CACNG3: variants seen among roughly 807,000 people sequenced by gnomAD.
CACNG3 encodes the protein calcium voltage-gated channel auxiliary subunit gamma 3.
In CACNG3, 3 loss-of-function variants were observed where a neutral mutation model predicts 28.5. That is an observed-to-expected ratio of 0.11 (90% CI 0.05 to 0.27). The LOEUF (loss-of-function observed/expected upper bound fraction) is 0.27, where lower values mean the gene tolerates loss of function less well. Among genes scored for constraint, CACNG3 ranks in the 10% least tolerant of loss-of-function variants. The probability of loss-of-function intolerance (pLI) is 1.00; values close to 1 mark genes in which losing one functional copy is unlikely to be tolerated. For synonymous variants in CACNG3, 174 were observed against 162.2 expected (o/e 1.07, Z -0.55); for missense variants, 236 against 414.4 (o/e 0.57, Z 3.74).
At chr16:24,334,560 G>T (rs1048120714) in intron 1 of CACNG3, among the ~76,000 whole-genome samples, 2 of 152,182 alleles carry the variant, frequency 1.3e-5, no homozygotes, top group Admixed American at 6.5e-5. Context: ...CTGGAGGGGG[G>T]ACATCCTGGG....
intron 1 of CACNG3, among the ~76,000 whole-genome samples, chr16:24,308,428 T>C (rs1160225782): frequency 6.6e-6 from 1 of 152,160 alleles, no homozygotes; most frequent in African/African-American, 2.4e-5. Flanking sequence ...TCTGTAGAAA[T>C]TGTGCAACTT....
chr16:24,330,512 T>G (rs1852688575), intron 1 of CACNG3, among the ~76,000 whole-genome samples: 1 of 152,238 alleles, frequency 6.6e-6, no homozygotes, highest in African/African-American at 2.4e-5. Context: ...AGCACTGCTC[T>G]CAGCCTCTGC....
At chr16:24,299,683 T>C (rs1463852295) in intron 1 of CACNG3, among the ~76,000 whole-genome samples, 1 of 152,224 alleles carries the variant, frequency 6.6e-6, no homozygotes, top group Non-Finnish European at 1.5e-5. Context: ...GAACATGACT[T>C]CATAGTGATG....
chr16:24,291,591 G>A (rs554544430), intron 1 of CACNG3, among the ~76,000 whole-genome samples: 4 of 152,256 alleles, frequency 2.6e-5, no homozygotes, highest in South Asian at 4.2e-4. Flanking sequence ...GTTGGTGGAA[G>A]GCAGTTATTG....
At chr16:24,295,773 T>A (rs969049607) in intron 1 of CACNG3, among the ~76,000 whole-genome samples, 1 of 152,028 alleles carries the variant, frequency 6.6e-6, no homozygotes, top group African/African-American at 2.4e-5. Flanking sequence ...TGCTTGGGCC[T>A]GGGAGATAGA....
intron 2 of CACNG3, among the ~76,000 whole-genome samples, chr16:24,352,194 G>A (rs74013182): frequency 6.6e-6 from 1 of 152,002 alleles, no homozygotes; most frequent in Admixed American, 6.6e-5. Flanking sequence ...AAATGAAAAC[G>A]GCCGGAGCTA....
intron 1 of CACNG3, among the ~76,000 whole-genome samples, chr16:24,341,115 A>G (rs1899780774): frequency 6.6e-6 from 1 of 152,264 alleles, no homozygotes; most frequent in Admixed American, 6.5e-5. Flanking sequence ...CTAAGAAAAT[A>G]TAAGTGAGAA....
intron 3 of CACNG3, among the ~76,000 whole-genome samples, chr16:24,357,022 G>T (rs1249628570): frequency 6.6e-6 from 1 of 152,008 alleles, no homozygotes; most frequent in Non-Finnish European, 1.5e-5. Flanking sequence ...GGATCATGAG[G>T]TCAGGAGTTT....
chr16:24,322,630 AGAG>A (rs1364765322), intron 1 of CACNG3, among the ~76,000 whole-genome samples: 3 of 152,162 alleles, frequency 2.0e-5, no homozygotes, highest in Non-Finnish European at 4.4e-5. Context: ...AGCACTTTTA[AGAG>A]GAGAGTGTAA....
chr16:24,326,287 T>C (rs1899541965), intron 1 of CACNG3, among the ~76,000 whole-genome samples: 1 of 151,670 alleles, frequency 6.6e-6, no homozygotes. Flanking sequence ...TTTTCCTCCC[T>C]CAGCCTCCCG....
At chr16:24,285,589 T>C (rs1035921452) in intron 1 of CACNG3, among the ~76,000 whole-genome samples, 10 of 152,114 alleles carry the variant, frequency 6.6e-5, no homozygotes, top group African/African-American at 1.2e-4. Flanking sequence ...CCCAGCTATT[T>C]AAGAGGCTGA....
At chr16:24,325,597 G>T (rs1469718837) in intron 1 of CACNG3, among the ~76,000 whole-genome samples, 1 of 152,232 alleles carries the variant, frequency 6.6e-6, no homozygotes, top group Non-Finnish European at 1.5e-5. Flanking sequence ...TATGCAGCAC[G>T]GGCTGGTGAT....
At chr16:24,359,024 T>C (rs1900071775) in intron 3 of CACNG3, among the ~76,000 whole-genome samples, 1 of 152,180 alleles carries the variant, frequency 6.6e-6, no homozygotes, top group African/African-American at 2.4e-5. Flanking sequence ...ATCTGACATC[T>C]GAGCCTCTCT....
intron 1 of CACNG3, among the ~76,000 whole-genome samples, chr16:24,300,785 G>A (rs1406832141): frequency 1.3e-5 from 2 of 152,044 alleles, no homozygotes; most frequent in African/African-American, 4.8e-5. Context: ...GTGGGCCAGT[G>A]GACCACGCCT....
Position 24,258,193 on chromosome 16 carries a change from A to C in CACNG3, c.211+1228A>C, listed in dbSNP as rs375361580. ...TGCATTTATGTAAATCGCTTGGGAA[A>C]TCATGCTATGACATCACTTGCCAGT... On this transcript the variant is annotated intron_variant, in intron 1 of 3. Transcript: ENST00000005284. 3.6e-4 allele frequency among the ~76,000 whole-genome samples: 55 copies of C among 152,328 alleles called. 1 individual carries two copies. Among genetic ancestry groups the C allele is most frequent in the African/African-American group, 1.1e-3 (44 of 41,570 alleles).
chr16:24,267,431 G>A (rs1246064158), intron 1 of CACNG3, among the ~76,000 whole-genome samples: 4 of 152,002 alleles, frequency 2.6e-5, no homozygotes, highest in African/African-American at 9.7e-5. Flanking sequence ...GCGACTACAG[G>A]CACATGCCAC....
At chr16:24,338,036 G>C (rs986848531) in intron 1 of CACNG3, among the ~76,000 whole-genome samples, 2 of 151,890 alleles carry the variant, frequency 1.3e-5, no homozygotes, top group African/African-American at 4.8e-5. Flanking sequence ...TGAAAAGACA[G>C]CTGGAAGGGC....
chr16:24,326,676 A>G (rs1440649029), intron 1 of CACNG3, among the ~76,000 whole-genome samples: 1 of 152,146 alleles, frequency 6.6e-6, no homozygotes, highest in African/African-American at 2.4e-5. Flanking sequence ...GGACTGAATC[A>G]CATGCCCACT....
intron 2 of CACNG3, among the ~76,000 whole-genome samples, chr16:24,350,168 C>T (rs554088317): frequency 1.3e-4 from 20 of 152,342 alleles, no homozygotes; most frequent in African/African-American, 4.3e-4. Flanking sequence ...GAGGCAGACA[C>T]TTATAGCCAG....
Sources: allele counts gnomAD v4.1 joint callset (sites outside exome capture counted in the v4.1 genomes callset), GRCh38; gene constraint gnomAD v4.1.1; transcripts MANE v1.5; gene names NCBI Gene and HGNC (gene_info 2026-07-23, HGNC 2026-07-21).